OTUD7A: variants seen among roughly 807,000 people sequenced by gnomAD.
OTUD7A encodes OTU domain-containing protein 7A.
In OTUD7A, 12 loss-of-function variants were observed where a neutral mutation model predicts 65.7. That is an observed-to-expected ratio of 0.18 (90% CI 0.12 to 0.30). The LOEUF (loss-of-function observed/expected upper bound fraction) is 0.30, where lower values mean the gene tolerates loss of function less well. Ranked by LOEUF, OTUD7A falls within the 10% of genes least tolerant of loss-of-function variation. The probability of loss-of-function intolerance (pLI) is 1.00; values close to 1 mark genes in which losing one functional copy is unlikely to be tolerated. For synonymous variants in OTUD7A, 641 were observed against 586.3 expected, an observed-to-expected ratio of 1.09 and a Z score of -1.35; for missense variants, 1,148 against 1,304.8, an observed-to-expected ratio of 0.88 and a Z score of 1.85.
Position 31,846,809 on chromosome 15 carries a change from C to T in OTUD7A, c.-100+23698G>A, listed in dbSNP as rs8026654. Among the ~76,000 whole-genome samples the T allele has an allele frequency of 7.0e-3, 1,066 of 152,236 alleles. 14 individuals are homozygous for T. The highest frequency in any genetic ancestry group is 0.025 in the African/African-American group (1,025 of 41,534). On this transcript the variant is annotated intron_variant, in intron 1 of 12. Transcript: ENST00000307050. ...AGCATATATGATTATTTACTTTTTT[C>T]GCATATATGATTATTTATGTCTTCT...
intron 1 of OTUD7A, among the ~76,000 whole-genome samples, chr15:31,859,774 C>T (rs1186414903): frequency 2.0e-5 from 3 of 152,154 alleles, no homozygotes; most frequent in African/African-American, 7.2e-5. Flanking sequence ...AGGAAGTGCC[C>T]AGACATTAAG....
intron 3 of OTUD7A, among the ~76,000 whole-genome samples, chr15:31,617,611 C>T (rs917235477): frequency 6.6e-6 from 1 of 152,078 alleles, no homozygotes; most frequent in Admixed American, 6.6e-5. Context: ...GTATACAAAG[C>T]TTAAGCACAG....
At chr15:31,666,403 T>C (rs1595696429) in intron 1 of OTUD7A, among the ~76,000 whole-genome samples, 2 of 152,272 alleles carry the variant, frequency 1.3e-5, no homozygotes, top group East Asian at 3.9e-4. Flanking sequence ...AGTTTATGTG[T>C]GTAAAGGTGT....
At chr15:31,845,916 G>C (rs970199429) in intron 1 of OTUD7A, among the ~76,000 whole-genome samples, 1 of 152,240 alleles carries the variant, frequency 6.6e-6, no homozygotes, top group Admixed American at 6.5e-5. Context: ...ATGCACAAGA[G>C]AGCCCACAGG....
intron 1 of OTUD7A, among the ~76,000 whole-genome samples, chr15:31,735,991 A>G (rs1249479164): frequency 1.3e-5 from 2 of 152,212 alleles, no homozygotes; most frequent in African/African-American, 2.4e-5. Flanking sequence ...GTTCTCACTT[A>G]TAAGTGGGAG....
rs1270486628 is a variant in OTUD7A at position 31,680,955 on chromosome 15, T to C, written c.-99-23878A>G. ...CTTCCCCATCAATACATGCGGAAGA[T>C]ACCATATCTTTCTTAGAAATTTGTT... On this transcript the variant is annotated intron_variant, in intron 1 of 12. Transcript: ENST00000307050. 4.0e-5 allele frequency among the ~76,000 whole-genome samples: 6 copies of C among 150,022 alleles called. No individual in the cohort carries two copies. In the East Asian group the frequency reaches 1.2e-3, roughly 29 times the overall value.
At chr15:31,713,298 G>C (rs1435593410) in intron 1 of OTUD7A, among the ~76,000 whole-genome samples, 3 of 152,158 alleles carry the variant, frequency 2.0e-5, no homozygotes, top group Non-Finnish European at 4.4e-5. Context: ...AGAGAGTTCT[G>C]AAACAAGATG....
At chr15:31,865,959 A>G (rs1897865306) in intron 1 of OTUD7A, among the ~76,000 whole-genome samples, 1 of 152,268 alleles carries the variant, frequency 6.6e-6, no homozygotes, top group African/African-American at 2.4e-5. Context: ...TATATTTATA[A>G]GGAAAACGAG....
rs746041746 is a variant in OTUD7A at position 31,570,032 on chromosome 15, T to C, written c.317A>G (p.Asp106Gly). 19 of 1,614,112 alleles carry C rather than the reference T, an allele frequency of 1.2e-5. No homozygotes were observed. The South Asian group carries it at 1.9e-4, about 16-fold the overall frequency. The part of the protein sequence containing the change: ...KVERPCLQRQ[D>G]DIAQEKRLSR... ...CTCAGCGGTACCTTGGGCAATGTCG[T>C]CCTGCCTCTGCAGGCAGGGTCGCTC... is the stretch of plus-strand genomic sequence containing the variant. Residue 106 changes from aspartate (D) to glycine (G), a missense_variant, in exon 4 of 13, where the codon GAC (aspartate) becomes GGC (glycine). This residue lies in a region of OTUD7A where 134 missense variants were observed against 252.6 expected (regional missense o/e 0.53). Transcript: ENST00000307050.
chr15:31,834,035 GT>G (rs1424511391), intron 1 of OTUD7A, among the ~76,000 whole-genome samples: 11 of 152,210 alleles, frequency 7.2e-5, no homozygotes, highest in Admixed American at 5.9e-4. Flanking sequence ...TTCCTATGAT[GT>G]TTTTTCTAAC....
intron 1 of OTUD7A, chr15:31,766,112 C>T: frequency 6.9e-7 from 1 of 1,442,208 alleles, no homozygotes. Context: ...CCACTGCAGT[C>T]TGCAAGTAAG....
At chr15:31,639,807 GT>G (rs1178238198) in intron 3 of OTUD7A, among the ~76,000 whole-genome samples, 1 of 152,130 alleles carries the variant, frequency 6.6e-6, no homozygotes, top group African/African-American at 2.4e-5. Context: ...TGCTATCCAT[GT>G]ATCTTCTTTG....
intron 1 of OTUD7A, among the ~76,000 whole-genome samples, chr15:31,721,779 A>G (rs915879343): frequency 1.2e-4 from 19 of 152,156 alleles, no homozygotes; most frequent in African/African-American, 4.6e-4. Flanking sequence ...AGTGTATCCC[A>G]CAGAGAAGAC....
At chr15:31,541,944 G>A (rs958918765) in intron 5 of OTUD7A, among the ~76,000 whole-genome samples, 9 of 152,230 alleles carry the variant, frequency 5.9e-5, no homozygotes, top group East Asian at 5.8e-4. Flanking sequence ...AAACTTCCCC[G>A]GAAATGTTGA....
At chr15:31,854,578 C>T (rs983753885) in intron 1 of OTUD7A, among the ~76,000 whole-genome samples, 1 of 152,164 alleles carries the variant, frequency 6.6e-6, no homozygotes, top group African/African-American at 2.4e-5. Flanking sequence ...TTCTGCCTCC[C>T]TCCTTCCACT....
intron 3 of OTUD7A, among the ~76,000 whole-genome samples, chr15:31,626,420 G>A (rs1237117834): frequency 3.3e-5 from 5 of 152,130 alleles, no homozygotes; most frequent in African/African-American, 1.2e-4. Context: ...TGTTCATTGA[G>A]CAATTCTTTC....
At chr15:31,502,299 A>T (rs2041480806) in intron 9 of OTUD7A, among the ~76,000 whole-genome samples, 1 of 152,224 alleles carries the variant, frequency 6.6e-6, no homozygotes, top group African/African-American at 2.4e-5. Flanking sequence ...TCAGATGGGA[A>T]CTGAGAATCA....
chr15:31,837,590 GAACAA>G (rs1290526128), intron 1 of OTUD7A, among the ~76,000 whole-genome samples: 1 of 151,940 alleles, frequency 6.6e-6, no homozygotes, highest in Non-Finnish European at 1.5e-5. Context: ...GGTATAAATG[GAACAA>G]AACATGTATT....
intron 5 of OTUD7A, among the ~76,000 whole-genome samples, chr15:31,535,623 C>T (rs1005232601): frequency 1.3e-4 from 20 of 150,868 alleles, no homozygotes; most frequent in African/African-American, 4.6e-4. Flanking sequence ...ACATCTGGGA[C>T]TGTGTCTCTG....
Sources: allele counts gnomAD v4.1 joint callset (sites outside exome capture counted in the v4.1 genomes callset), GRCh38; gene constraint gnomAD v4.1.1; regional missense constraint gnomAD v4.1.1; transcripts MANE v1.5; gene names NCBI Gene and HGNC (gene_info 2026-07-23, HGNC 2026-07-21).